The following GABRG3 variants were observed in gnomAD, a reference collection of about 807,000 sequenced individuals.
GABRG3 encodes the protein gamma-aminobutyric acid receptor subunit gamma-3.
Under a neutral mutation model 48.8 loss-of-function variants are expected in GABRG3, and 25 were observed. That is an observed-to-expected ratio of 0.51 (90% CI 0.37 to 0.72). The LOEUF is 0.72. GABRG3 is among the 30% of genes least tolerant of loss of function. The probability of loss-of-function intolerance (pLI) is 0.00; values close to 1 mark genes in which losing one functional copy is unlikely to be tolerated. For synonymous variants in GABRG3, 227 were observed against 217.6 expected, an observed-to-expected ratio of 1.04 and a Z score of -0.38; for missense variants, 394 against 577.9, an observed-to-expected ratio of 0.68 and a Z score of 3.26.
intron 5 of GABRG3, among the ~76,000 whole-genome samples, chr15:27,439,252 A>G (rs1888709727): frequency 6.6e-6 from 1 of 152,172 alleles, no homozygotes; most frequent in African/African-American, 2.4e-5. Context: ...CTTTCTTCTC[A>G]ACAGCATGAG....
chr15:26,993,478 G>A (rs1895284441), intron 2 of GABRG3, among the ~76,000 whole-genome samples: 1 of 151,862 alleles, frequency 6.6e-6, no homozygotes, highest in Admixed American at 6.6e-5. Flanking sequence ...GTCTTTCAGG[G>A]CCATATTGTT....
intron 5 of GABRG3, among the ~76,000 whole-genome samples, chr15:27,388,170 G>A: frequency 1.1e-5 from 1 of 93,310 alleles, no homozygotes; most frequent in Non-Finnish European, 2.0e-5. Context: ...AAGGAAGGAA[G>A]GAAGGAAAGG....
intron 2 of GABRG3, among the ~76,000 whole-genome samples, chr15:26,991,489 G>A (rs1217905955): frequency 4.6e-5 from 7 of 152,030 alleles, no homozygotes; most frequent in African/African-American, 1.7e-4. Context: ...GATAGGGATT[G>A]CATTCAATTT....
At chr15:27,015,729 T>A (rs1226300529) in intron 2 of GABRG3, among the ~76,000 whole-genome samples, 1 of 152,036 alleles carries the variant, frequency 6.6e-6, no homozygotes, top group Non-Finnish European at 1.5e-5. Context: ...TCCCTTTTGA[T>A]TTTCCTTTGT....
chr15:26,988,862 T>A (rs1429569208), intron 2 of GABRG3, among the ~76,000 whole-genome samples: 1 of 152,164 alleles, frequency 6.6e-6, no homozygotes, highest in Non-Finnish European at 1.5e-5. Context: ...TTATACCCTT[T>A]CAGCATGGCT....
At chr15:27,048,396 C>T (rs1267509152) in intron 3 of GABRG3, among the ~76,000 whole-genome samples, 2 of 152,104 alleles carry the variant, frequency 1.3e-5, no homozygotes, top group Admixed American at 6.5e-5. Context: ...TGGATGTGTT[C>T]GGAAACAGGG....
At chr15:27,134,715 A>G (rs1897977668) in intron 3 of GABRG3, among the ~76,000 whole-genome samples, 1 of 152,224 alleles carries the variant, frequency 6.6e-6, no homozygotes, top group South Asian at 2.1e-4. Flanking sequence ...GAAGCCCTCC[A>G]GGGCTTCTGC....
intron 3 of GABRG3, among the ~76,000 whole-genome samples, chr15:27,057,538 G>A (rs966938688): frequency 1.3e-5 from 2 of 152,092 alleles, no homozygotes; most frequent in South Asian, 2.1e-4. Context: ...ATACATCTAC[G>A]GGGCTGCACG....
intron 5 of GABRG3, among the ~76,000 whole-genome samples, chr15:27,479,420 C>T (rs922729345): frequency 3.9e-5 from 6 of 152,128 alleles, no homozygotes; most frequent in Non-Finnish European, 8.8e-5. Context: ...ACCGGGCAAC[C>T]CACAATCAGA....
intron 2 of GABRG3, among the ~76,000 whole-genome samples, chr15:26,988,646 GT>G (rs1311496775): frequency 1.3e-5 from 2 of 151,750 alleles, no homozygotes; most frequent in Non-Finnish European, 2.9e-5. Context: ...TATATTTACT[GT>G]TGCTATTGAT....
At position 27,069,545 on chromosome 15, in the gene GABRG3, T is replaced by G. The variant is rs368170477; in HGVS notation, c.270+42724T>G. Among the ~76,000 whole-genome samples, 137 of 152,346 alleles carry G rather than the reference T, an allele frequency of 9.0e-4. 3 individuals carry two copies. In the South Asian group the frequency reaches 0.028, roughly 31 times the overall value. ...CACATCCATCTCCTCTCTTTCGCTG[T>G]GTGCATATAAGGGTCTGAGTGTGTT... On this transcript the variant is annotated intron_variant, in intron 3 of 9. Transcript: ENST00000615808.
rs145879321 is a variant in GABRG3 at position 27,227,621 on chromosome 15, A to C, written c.271-99188A>C. Among the ~76,000 whole-genome samples the C allele has an allele frequency of 1.8e-4, 27 of 152,292 alleles. 1 individual carries two copies. Among genetic ancestry groups the C allele is most frequent in the Middle Eastern group, 6.8e-3 (2 of 294 alleles). On this transcript the variant is annotated intron_variant, in intron 3 of 9. Coordinates refer to ENST00000615808, the MANE Select transcript of GABRG3 (RefSeq NM_033223.5). ...AGGATTGCTTGAGCCCAGAAGTTCA[A>C]GACTCCAGTGAGCTGTGATTGCACC...
intron 5 of GABRG3, among the ~76,000 whole-genome samples, chr15:27,388,627 G>A (rs1566818982): frequency 6.6e-6 from 1 of 152,128 alleles, no homozygotes; most frequent in Non-Finnish European, 1.5e-5. Context: ...GTGCTGGGAT[G>A]GTAGATGATT....
chr15:27,088,431 T>G (rs1897124833), intron 3 of GABRG3, among the ~76,000 whole-genome samples: 1 of 152,074 alleles, frequency 6.6e-6, no homozygotes, highest in South Asian at 2.1e-4. Context: ...CCCCAGGGGC[T>G]TTACTCTGGC....
At chr15:27,191,116 T>C (rs1343815125) in intron 3 of GABRG3, among the ~76,000 whole-genome samples, 1 of 152,228 alleles carries the variant, frequency 6.6e-6, no homozygotes, top group Non-Finnish European at 1.5e-5. Flanking sequence ...TTCTGTTCTT[T>C]TACATTTGCT....
chr15:27,099,068 G>A (rs1472264616), intron 3 of GABRG3, among the ~76,000 whole-genome samples: 1 of 152,184 alleles, frequency 6.6e-6, no homozygotes, highest in Admixed American at 6.5e-5. Context: ...CCTTGAATAA[G>A]AGAACGAAAT....
chr15:27,263,331 G>A (rs1465045625), intron 3 of GABRG3, among the ~76,000 whole-genome samples: 1 of 152,158 alleles, frequency 6.6e-6, no homozygotes, highest in African/African-American at 2.4e-5. Flanking sequence ...TAAGTCCTGA[G>A]AAAATTAACC....
rs560571380 is a variant in GABRG3, at chr15:27,255,588, C to A, written c.271-71221C>A. Among the ~76,000 whole-genome samples, 5 of 151,818 alleles carry A rather than the reference C, an allele frequency of 3.3e-5. No individual in the cohort carries two copies. The South Asian group carries it at 8.3e-4, about 25-fold the overall frequency. On this transcript the variant is annotated intron_variant, in intron 3 of 9. Coordinates refer to ENST00000615808, the MANE Select transcript of GABRG3 (RefSeq NM_033223.5). ...ATGGCAGCTTGTATTCCATTTTCAT[C>A]TTTCCTTTTTTTTTGGAAATGTATT... is the stretch of plus-strand genomic sequence containing the variant.
At chr15:27,430,531 C>G (rs1479787931) in intron 5 of GABRG3, among the ~76,000 whole-genome samples, 1 of 152,184 alleles carries the variant, frequency 6.6e-6, no homozygotes, top group African/African-American at 2.4e-5. Flanking sequence ...ATAGTTTTAA[C>G]ACTGGCATCT....
Sources: allele counts gnomAD v4.1 joint callset (sites outside exome capture counted in the v4.1 genomes callset), GRCh38; gene constraint gnomAD v4.1.1; transcripts MANE v1.5; gene names NCBI Gene and HGNC (gene_info 2026-07-23, HGNC 2026-07-21).